The following HACD1 variants were observed in gnomAD, a reference collection of about 807,000 sequenced individuals.
The protein encoded by HACD1 is 3-hydroxyacyl-CoA dehydratase 1, also known as very-long-chain (3R)-3-hydroxyacyl-CoA dehydratase 1.
Under a neutral mutation model 32.0 loss-of-function variants are expected in HACD1, and 41 were observed. The observed-to-expected ratio is 1.28, with a 90% CI of 1.00 to 1.66. The LOEUF (loss-of-function observed/expected upper bound fraction) is 1.66. HACD1 is among the 40% of genes most tolerant of loss of function. The pLI, the probability that HACD1 is intolerant of heterozygous loss-of-function variation, is 0.00. For synonymous variants in HACD1, 142 were observed against 139.0 expected (o/e 1.02, Z -0.15); for missense variants, 396 against 380.1 (o/e 1.04, Z -0.35).
At chr10:17,601,107 C>G (rs1554816476) in intron 4 of HACD1, among the ~76,000 whole-genome samples, 3 of 151,630 alleles carry the variant, frequency 2.0e-5, no homozygotes, top group Non-Finnish European at 4.4e-5. Flanking sequence ...GATCTCAGCT[C>G]ACTGCAACCT....
At position 17,604,093 on chromosome 10, in the gene HACD1, A is replaced by C. The variant is rs369558322; in HGVS notation, c.258-46T>G. ...ATAAAGTTCTTTCGAACTTAATACC[A>C]CTGATTTATACATTTGTGTTTACAG... On this transcript the variant is annotated intron_variant, in intron 1 of 6. Transcript: ENST00000361271. The C allele has an allele frequency of 4.6e-5, 58 of 1,269,560 alleles. No individual in the cohort carries two copies. In the African/African-American group the frequency reaches 8.3e-4, roughly 18 times the overall value. The allele number at this position is 1,269,560 out of a possible 1,614,324, so 78.6% of individuals were successfully genotyped here. A position where few individuals can be genotyped will look rare whatever the true frequency, so the allele number is the denominator to read the frequency against.
chr10:17,595,470 T>C (rs782766918), intron 5 of HACD1, among the ~76,000 whole-genome samples: 4 of 152,098 alleles, frequency 2.6e-5, no homozygotes, highest in South Asian at 4.1e-4. Flanking sequence ...ACAAAATAAA[T>C]TGACAAGTTA....
Position 17,611,292 on chromosome 10 carries a change from C to T in HACD1, c.257+5791G>A, listed in dbSNP as rs184269709. Among the ~76,000 whole-genome samples, 355 of 152,250 alleles carry T rather than the reference C, an allele frequency of 2.3e-3. 2 individuals carry two copies. The highest frequency in any genetic ancestry group is 8.1e-3 in the African/African-American group (338 of 41,564). ...GATTACAGGCATGAGCCACCGCGCC[C>T]GGCCCAAGCCCTCTTCTTGATGCCT... On this transcript the variant is annotated intron_variant, in intron 1 of 6. Coordinates refer to ENST00000361271, the MANE Select transcript of HACD1 (RefSeq NM_014241.4).
rs1236482542 is a variant in HACD1, at chr10:17,589,903, C to T, written c.*461G>A. 1 of 100,656 alleles carries T rather than the reference C, an allele frequency of 9.9e-6. No homozygotes were observed. The highest frequency in any genetic ancestry group is 2.3e-5 in the Non-Finnish European group (1 of 43,716). 6.2% of individuals were successfully genotyped at this position (100,656 alleles called of 1,614,324 possible). On this transcript the variant is annotated 3_prime_UTR_variant, in exon 7 of 7. Transcript: ENST00000361271. ...ACACTGTTATTAGTCATAATGCTGCCTTATTCCTGAAAAAATAGATTGTGG... is the reference window on the plus strand; with the variant it reads ...ACACTGTTATTAGTCATAATGCTGCTTTATTCCTGAAAAAATAGATTGTGG...
chr10:17,616,836 G>C (rs951332462), intron 1 of HACD1, among the ~76,000 whole-genome samples: 11 of 152,090 alleles, frequency 7.2e-5, no homozygotes, highest in African/African-American at 9.6e-5. Flanking sequence ...ATTCCTGCCC[G>C]GTTCTATACT....
chr10:17,617,341 T>C lies in HACD1; in HGVS notation c.-2A>G. The C allele has an allele frequency of 7.1e-7, 1 of 1,402,704 alleles. No homozygotes were observed. Among genetic ancestry groups the C allele is most frequent in the Non-Finnish European group, 9.2e-7 (1 of 1,085,014 alleles). 86.9% of individuals were successfully genotyped at this position (1,402,704 alleles called of 1,614,324 possible). Reference sequence around the variant, plus strand: ...CGCCGCTTCCGTCAGGCGCCCCATGTGCAGCGCGCAGGGGGCTCGGCGCAG... The same window carrying C: ...CGCCGCTTCCGTCAGGCGCCCCATGCGCAGCGCGCAGGGGGCTCGGCGCAG... On this transcript the variant is annotated 5_prime_UTR_variant, in exon 1 of 7. Transcript: ENST00000361271.
At position 17,599,390 on chromosome 10, in the gene HACD1, C is replaced by A; in HGVS notation, c.505G>T (p.Val169Leu). The stretch of plus-strand genomic sequence containing the variant: ...ACAGTCCACGCGACCAGAAAAAGCA[C>A]CACACTCTCTTCATTCTGGATCTGC... ...IKPIQNEESV[V>L]LFLVAWTVTE... The change falls in exon 5 of 7, where the codon GTG becomes TTG. Residue 169 changes from valine (V) to leucine (L), a missense_variant. Val to Leu is a conservative substitution (Grantham distance 32). Transcript: ENST00000361271. 6.2e-7 allele frequency: 1 copy of A among 1,613,628 alleles called. No individual in the cohort carries two copies. Among genetic ancestry groups the A allele is most frequent in the Non-Finnish European group, 8.5e-7 (1 of 1,179,940 alleles).
chr10:17,602,325 C>T (rs1230343795), intron 4 of HACD1, among the ~76,000 whole-genome samples: 2 of 152,104 alleles, frequency 1.3e-5, no homozygotes, highest in African/African-American at 4.8e-5. Context: ...CCCACCTTGG[C>T]CTCCCAAAGT....
intron 5 of HACD1, 89 bp downstream of exon 5, chr10:17,599,201 G>A: frequency 1.3e-6 from 2 of 1,544,238 alleles, no homozygotes; most frequent in Non-Finnish European, 1.7e-6. Context: ...GCATCGTGGG[G>A]CTGAAACACG....
At chr10:17,596,484 A>AT (rs61351331) in intron 5 of HACD1, among the ~76,000 whole-genome samples, 9,411 of 145,168 alleles carry the variant, frequency 0.065, 624 homozygotes, top group African/African-American at 0.17. Flanking sequence ...TTTTCAAAAG[A>AT]TTTTTTTTTT....
In HACD1 at chr10:17,589,138, CA is replaced by C. The variant is rs1437493672; in HGVS notation, c.*1225del. ...AGGAGTCTGTCCAAAGATCATACCC[CA>C]AAATGTTTAGTTACCTAAGTACCAC... On this transcript the variant is annotated 3_prime_UTR_variant, in exon 7 of 7. Coordinates refer to ENST00000361271, the MANE Select transcript of HACD1 (RefSeq NM_014241.4). 5 of 152,004 alleles carry C rather than the reference CA, an allele frequency of 3.3e-5. No homozygotes were observed. Among genetic ancestry groups the C allele is most frequent in the Admixed American group, 6.6e-5 (1 of 15,244 alleles). The allele number at this position is 152,004 out of a possible 1,614,324, so 9.4% of individuals were successfully genotyped here. A position where few individuals can be genotyped will look rare whatever the true frequency, so the allele number is the denominator to read the frequency against.
In HACD1 at chr10:17,612,117, A is replaced by C. The variant is rs987541983; in HGVS notation, c.257+4966T>G. Among the ~76,000 whole-genome samples the C allele has an allele frequency of 3.9e-4, 59 of 151,906 alleles. 1 individual carries two copies. The highest frequency in any genetic ancestry group is 1.3e-3 in the African/African-American group (55 of 41,498). On this transcript the variant is annotated intron_variant, in intron 1 of 6. Transcript: ENST00000361271. ...CTAAACTCCATCTCAAAAAAAAAAA[A>C]AAAAAAAAAAAAACCCTAAAAAATC...
chr10:17,594,836 T>A (rs1330797119), intron 5 of HACD1, among the ~76,000 whole-genome samples: 1 of 150,374 alleles, frequency 6.7e-6, no homozygotes, highest in East Asian at 1.9e-4. Flanking sequence ...CATACCCAGC[T>A]AATTTTTGGT....
At position 17,599,313 on chromosome 10, in the gene HACD1, C is replaced by T. The variant is rs1276527817; in HGVS notation, c.582G>A (p.Leu194=). 6.2e-7 allele frequency: 1 copy of T among 1,613,992 alleles called. No individual in the cohort carries two copies. The highest frequency in any genetic ancestry group is 8.5e-7 in the Non-Finnish European group (1 of 1,179,996). ...SFYTFSLLDH[L]PYFIKWARYN... Reference sequence around the variant, plus strand: ...ACCTGGCCCATTTAATGAAGTATGGCAAGTGGTCAAGAAGGCTGAATGTGT... The same window carrying T: ...ACCTGGCCCATTTAATGAAGTATGGTAAGTGGTCAAGAAGGCTGAATGTGT... Residue 194 remains leucine, a synonymous_variant, in exon 5 of 7, where the codon TTG becomes TTA. Coordinates refer to ENST00000361271, the MANE Select transcript of HACD1 (RefSeq NM_014241.4).
At chr10:17,608,409 T>A (rs1452165876) in intron 1 of HACD1, among the ~76,000 whole-genome samples, 1 of 152,180 alleles carries the variant, frequency 6.6e-6, no homozygotes, top group Non-Finnish European at 1.5e-5. Context: ...AAAAACAATA[T>A]TCTAGCTTGC....
chr10:17,594,168 A>G, intron 6 of HACD1, 37 bp downstream of exon 6: 5 of 1,315,608 alleles, frequency 3.8e-6, no homozygotes, highest in Non-Finnish European at 5.0e-6. Context: ...TTTCCACATC[A>G]TATGTCAAAT....
At chr10:17,598,101 A>C (rs1554816138) in intron 5 of HACD1, among the ~76,000 whole-genome samples, 1 of 151,810 alleles carries the variant, frequency 6.6e-6, no homozygotes, top group African/African-American at 2.4e-5. Flanking sequence ...CTCTACAAAA[A>C]ATACAAAAAT....
chr10:17,595,883 G>A (rs939201877), intron 5 of HACD1, among the ~76,000 whole-genome samples: 1 of 152,080 alleles, frequency 6.6e-6, no homozygotes, highest in Non-Finnish European at 1.5e-5. Flanking sequence ...CTACTTGGGA[G>A]GCTAAGGCAG....
At chr10:17,614,990 G>A (rs1203742803) in intron 1 of HACD1, among the ~76,000 whole-genome samples, 1 of 152,072 alleles carries the variant, frequency 6.6e-6, no homozygotes, top group Non-Finnish European at 1.5e-5. Flanking sequence ...CTGACCTCGT[G>A]ATCCGCCCAC....
Sources: gnomAD v4.1 joint callset for allele counts (sites outside exome capture counted in the v4.1 genomes callset) on GRCh38, gnomAD v4.1.1 for gene constraint, MANE v1.5 for transcripts, NCBI Gene and HGNC (gene_info 2026-07-23, HGNC 2026-07-21) for gene names.